OLA1: variants seen among roughly 807,000 people sequenced by gnomAD.
The protein encoded by OLA1 is Obg like ATPase 1.
Under a neutral mutation model 48.4 loss-of-function variants are expected in OLA1, and 14 were observed. That is an observed-to-expected ratio of 0.29 (90% CI 0.19 to 0.45). The LOEUF is 0.45. OLA1 is among the 20% of genes least tolerant of loss of function. OLA1 has a pLI of 1.00. For missense variants in OLA1, 325 were observed against 467.1 expected, an observed-to-expected ratio of 0.70 and a Z score of 2.80; for synonymous variants, 127 against 150.4, an observed-to-expected ratio of 0.84 and a Z score of 1.14.
chr2:174,209,346 GAT>G (rs1270284347), intron 4 of OLA1, among the ~76,000 whole-genome samples: 1 of 151,996 alleles, frequency 6.6e-6, no homozygotes, highest in African/African-American at 2.4e-5. Flanking sequence ...ATCCCTCTCT[GAT>G]ATATGACTAA....
chr2:174,094,604 G>T (rs965715895), intron 7 of OLA1, among the ~76,000 whole-genome samples: 1 of 152,166 alleles, frequency 6.6e-6, no homozygotes, highest in African/African-American at 2.4e-5. Flanking sequence ...GAAGAGAATT[G>T]GGAGTCCAGA....
intron 3 of OLA1, among the ~76,000 whole-genome samples, chr2:174,223,765 C>CAAAAAAAAAAAAA (rs71021680): frequency 5.5e-5 from 4 of 73,344 alleles, no homozygotes; most frequent in South Asian, 4.4e-4. Flanking sequence ...GTTATATAGA[C>CAAAAAAAAAAAAA]AAAAAAAAAA....
chr2:174,186,269 T>C lies in OLA1; in HGVS notation c.373+36764A>G, dbSNP rs969330269. The stretch of plus-strand genomic sequence containing the variant: ...GATTCTTAAGTTTGTATGGAAAAAA[T>C]AAACAAGTAAGACCAAACACTCTGA... On this transcript the variant is annotated intron_variant, in intron 4 of 10. Transcript: ENST00000284719. 3.9e-5 allele frequency among the ~76,000 whole-genome samples: 6 copies of C among 152,020 alleles called. No individual in the cohort carries two copies. The South Asian group carries it at 1.0e-3, about 26-fold the overall frequency.
chr2:174,135,833 G>T lies in OLA1; in HGVS notation c.549+5992C>A, dbSNP rs1323623299. ...AGTACAACCATACCTCAGAGATACT[G>T]CAGGTTTAGTTCCAATAAAGTGAGT... On this transcript the variant is annotated intron_variant, in intron 5 of 10. Transcript: ENST00000284719. 2.0e-5 allele frequency among the ~76,000 whole-genome samples: 3 copies of T among 152,222 alleles called. No individual in the cohort carries two copies. In the East Asian group the frequency reaches 5.8e-4, roughly 29 times the overall value.
rs1297538951 is a variant in OLA1 at position 174,079,372 on chromosome 2, C to T, written c.967-282G>A. On this transcript the variant is annotated intron_variant, in intron 9 of 10. Coordinates refer to ENST00000284719, the MANE Select transcript of OLA1 (RefSeq NM_013341.5). ...AGTGGTCTGGTTTTGGTGTAGGTTT[C>T]ATTTCGATTTTCTATTCTTCACAGT... 2.9e-5 allele frequency: 7 copies of T among 243,280 alleles called. No individual in the cohort carries two copies. In the East Asian group the frequency reaches 4.6e-4, roughly 16 times the overall value. 15.1% of individuals were successfully genotyped at this position (243,280 alleles called of 1,614,324 possible).
At chr2:174,096,601 A>G (rs1685261687) in intron 7 of OLA1, among the ~76,000 whole-genome samples, 1 of 152,220 alleles carries the variant, frequency 6.6e-6, no homozygotes, top group African/African-American at 2.4e-5. Context: ...AATTCAAATT[A>G]CAGCTCAATT....
At chr2:174,150,170 G>C (rs1319254361) in intron 4 of OLA1, among the ~76,000 whole-genome samples, 2 of 152,200 alleles carry the variant, frequency 1.3e-5, no homozygotes, top group South Asian at 2.1e-4. Context: ...GGTCATGAGG[G>C]CTCTGCCCCC....
At chr2:174,156,915 A>G (rs920068867) in intron 4 of OLA1, among the ~76,000 whole-genome samples, 14 of 152,126 alleles carry the variant, frequency 9.2e-5, no homozygotes, top group South Asian at 4.1e-4. Flanking sequence ...GATTCTGTCA[A>G]TTATGTTGAA....
At chr2:174,085,528 T>C (rs1273757715) in intron 7 of OLA1, among the ~76,000 whole-genome samples, 1 of 152,220 alleles carries the variant, frequency 6.6e-6, no homozygotes, top group East Asian at 1.9e-4. Context: ...TTGTCTTCCA[T>C]GAAACCAGTC....
chr2:174,197,858 G>A (rs551784180), intron 4 of OLA1, among the ~76,000 whole-genome samples: 6 of 152,320 alleles, frequency 3.9e-5, no homozygotes, highest in African/African-American at 1.4e-4. Context: ...TATTGACACA[G>A]TATAGCCAAA....
At chr2:174,217,446 T>C (rs540812172) in intron 4 of OLA1, among the ~76,000 whole-genome samples, 51 of 136,544 alleles carry the variant, frequency 3.7e-4, no homozygotes, top group Non-Finnish European at 3.3e-4. Flanking sequence ...TTCCAACGCT[T>C]ACAGTGCTGA....
intron 4 of OLA1, among the ~76,000 whole-genome samples, chr2:174,188,705 C>T (rs1234172906): frequency 6.6e-6 from 1 of 152,094 alleles, no homozygotes; most frequent in Non-Finnish European, 1.5e-5. Context: ...GATACTGACA[C>T]CTTTGCTTTC....
chr2:174,214,776 G>A (rs1428430452), intron 4 of OLA1, among the ~76,000 whole-genome samples: 2 of 152,144 alleles, frequency 1.3e-5, no homozygotes, highest in African/African-American at 2.4e-5. Flanking sequence ...GGGGCTGGGA[G>A]TGGTGGCTCA....
At chr2:174,214,327 C>T (rs1307103062) in intron 4 of OLA1, among the ~76,000 whole-genome samples, 7 of 151,650 alleles carry the variant, frequency 4.6e-5, no homozygotes, top group East Asian at 1.9e-4. Context: ...AGAGAGACTC[C>T]GCCTCAAAAA....
intron 2 of OLA1, among the ~76,000 whole-genome samples, chr2:174,243,094 C>T (rs1005649945): frequency 5.3e-5 from 8 of 152,086 alleles, no homozygotes; most frequent in African/African-American, 1.2e-4. Flanking sequence ...CTGATACCTC[C>T]GCCTCCCAGG....
intron 10 of OLA1, 32 bp downstream of exon 10, chr2:174,078,936 T>C (rs1447087901): frequency 6.3e-7 from 1 of 1,585,546 alleles, no homozygotes; most frequent in Non-Finnish European, 8.6e-7. Context: ...GTGGAAACAT[T>C]GTGAAATACA....
chr2:174,078,916 CTT>C (rs1244436931), intron 10 of OLA1, 50 bp downstream of exon 10: 3 of 1,544,568 alleles, frequency 1.9e-6, no homozygotes, highest in Admixed American at 3.9e-5. Context: ...TCATGACTAA[CTT>C]CGCATCAGTG....
intron 4 of OLA1, among the ~76,000 whole-genome samples, chr2:174,144,736 T>C (rs1415425044): frequency 6.6e-6 from 1 of 151,198 alleles, no homozygotes; most frequent in Non-Finnish European, 1.5e-5. Flanking sequence ...GAGGATCGCC[T>C]GAGCTCAGGA....
At chr2:174,205,660 G>A (rs916403460) in intron 4 of OLA1, among the ~76,000 whole-genome samples, 2 of 152,226 alleles carry the variant, frequency 1.3e-5, no homozygotes, top group Admixed American at 6.5e-5. Flanking sequence ...GGCAAGAGCT[G>A]AGTCAGTCAA....
Sources: gnomAD v4.1 joint callset for allele counts (sites outside exome capture counted in the v4.1 genomes callset) on GRCh38, gnomAD v4.1.1 for gene constraint, MANE v1.5 for transcripts, NCBI Gene and HGNC (gene_info 2026-07-23, HGNC 2026-07-21) for gene names.